The following FAF1 variants were observed in gnomAD, a reference collection of about 807,000 sequenced individuals.
FAF1 encodes the protein FAS-associated factor 1.
In FAF1, 25 loss-of-function variants were observed where a neutral mutation model predicts 92.5. That is an observed-to-expected ratio of 0.27 (90% CI 0.20 to 0.38). The LOEUF is 0.38. FAF1 is among the 10% of genes least tolerant of loss of function. The probability of loss-of-function intolerance (pLI) is 1.00; values close to 1 mark genes in which losing one functional copy is unlikely to be tolerated. For missense variants in FAF1, 636 were observed against 793.3 expected (o/e 0.80, Z 2.38); for synonymous variants, 234 against 273.2 (o/e 0.86, Z 1.42).
chr1:50,773,517 T>C (rs950569899), intron 4 of FAF1, among the ~76,000 whole-genome samples: 1 of 152,180 alleles, frequency 6.6e-6, no homozygotes, highest in African/African-American at 2.4e-5. Flanking sequence ...AATTCTGTCA[T>C]TTGCAACAAC....
chr1:50,772,681 A>G (rs1045555091), intron 4 of FAF1, among the ~76,000 whole-genome samples: 10 of 152,192 alleles, frequency 6.6e-5, no homozygotes, highest in African/African-American at 2.4e-4. Context: ...AAAGAACAAC[A>G]GACACTGGGG....
At chr1:50,929,777 C>T (rs1342498448) in intron 1 of FAF1, among the ~76,000 whole-genome samples, 5 of 152,320 alleles carry the variant, frequency 3.3e-5, no homozygotes, top group East Asian at 1.9e-4. Context: ...TAACAAAGTA[C>T]ATCTAAAGAT....
chr1:50,770,579 C>A (rs963475641), intron 4 of FAF1, among the ~76,000 whole-genome samples: 7 of 151,992 alleles, frequency 4.6e-5, no homozygotes, highest in Non-Finnish European at 7.4e-5. Context: ...ATGAGAATTA[C>A]AAAAGACTGC....
chr1:50,936,062 A>C (rs942212559), intron 1 of FAF1, among the ~76,000 whole-genome samples: 29 of 152,326 alleles, frequency 1.9e-4, no homozygotes, highest in Admixed American at 2.6e-4. Context: ...GACAAAATAA[A>C]CATCCAAAGA....
chr1:50,921,929 G>A (rs936668813), intron 1 of FAF1, among the ~76,000 whole-genome samples: 1 of 152,002 alleles, frequency 6.6e-6, no homozygotes, highest in African/African-American at 2.4e-5. Context: ...CACTTTGGGA[G>A]GCCAAGGCAG....
intron 1 of FAF1, among the ~76,000 whole-genome samples, chr1:50,883,466 A>T (rs559345844): frequency 6.6e-6 from 1 of 152,336 alleles, no homozygotes; most frequent in Non-Finnish European, 1.5e-5. Context: ...AGTATCACTC[A>T]TGAAGCAAAG....
At chr1:50,749,756 T>A (rs926870470) in intron 4 of FAF1, among the ~76,000 whole-genome samples, 6 of 151,476 alleles carry the variant, frequency 4.0e-5, no homozygotes, top group Middle Eastern at 3.4e-3. Context: ...GCCACTGCAC[T>A]CTATCCTGGA....
chr1:50,645,539 T>C (rs1202591692), intron 8 of FAF1, among the ~76,000 whole-genome samples: 2 of 152,064 alleles, frequency 1.3e-5, no homozygotes, highest in Non-Finnish European at 2.9e-5. Context: ...AAGAAATCAA[T>C]GTGGCCAGGC....
intron 9 of FAF1, among the ~76,000 whole-genome samples, chr1:50,588,126 A>G (rs1321323180): frequency 1.3e-5 from 2 of 152,146 alleles, no homozygotes; most frequent in African/African-American, 4.8e-5. Flanking sequence ...ATCTCCACTA[A>G]AAACACAAAA....
At chr1:50,460,172 C>T (rs754106561) in intron 18 of FAF1, among the ~76,000 whole-genome samples, 6 of 152,210 alleles carry the variant, frequency 3.9e-5, no homozygotes, top group Admixed American at 6.5e-5. Flanking sequence ...TCCCTTTATA[C>T]CTGACCTCAT....
At chr1:50,771,384 C>G (rs1660770567) in intron 4 of FAF1, among the ~76,000 whole-genome samples, 1 of 152,052 alleles carries the variant, frequency 6.6e-6, no homozygotes. Context: ...CAATAAAGGT[C>G]TAATATCCAG....
intron 18 of FAF1, among the ~76,000 whole-genome samples, chr1:50,463,243 G>T (rs1340336983): frequency 6.6e-6 from 1 of 152,140 alleles, no homozygotes; most frequent in Non-Finnish European, 1.5e-5. Context: ...ATCACTGCTG[G>T]AGGTAATTAA....
chr1:50,795,302 T>G (rs573881018), intron 3 of FAF1, among the ~76,000 whole-genome samples: 2 of 152,332 alleles, frequency 1.3e-5, no homozygotes, highest in East Asian at 3.9e-4. Context: ...GACACTTTTC[T>G]AAATAGGAAC....
chr1:50,874,824 C>CAGTGGT (rs200247031), intron 1 of FAF1, among the ~76,000 whole-genome samples: 1,832 of 117,932 alleles, frequency 0.016, 17 homozygotes, highest in Middle Eastern at 0.04. Context: ...GGCTGGAGTG[C>CAGTGGT]AGTGGTGCAG....
chr1:50,474,481 T>C (rs993700829), intron 18 of FAF1, among the ~76,000 whole-genome samples: 2 of 152,152 alleles, frequency 1.3e-5, no homozygotes, highest in African/African-American at 4.8e-5. Flanking sequence ...AGTTCTTTAG[T>C]GGTGATTTGT....
intron 4 of FAF1, among the ~76,000 whole-genome samples, chr1:50,784,818 C>T (rs1661303264): frequency 6.6e-6 from 1 of 152,090 alleles, no homozygotes; most frequent in South Asian, 2.1e-4. Context: ...TTGTTAGTGG[C>T]ATAAAGACAG....
At chr1:50,761,787 G>A (rs1488122676) in intron 4 of FAF1, among the ~76,000 whole-genome samples, 9 of 152,222 alleles carry the variant, frequency 5.9e-5, no homozygotes, top group Non-Finnish European at 1.3e-4. Flanking sequence ...ACAAGACAGG[G>A]ATGCCCTCTC....
At chr1:50,648,818 C>T (rs752396769) in intron 8 of FAF1, among the ~76,000 whole-genome samples, 3 of 152,096 alleles carry the variant, frequency 2.0e-5, no homozygotes, top group East Asian at 1.9e-4. Flanking sequence ...CCCAGCTACT[C>T]GGGAAGCTGA....
chr1:50,860,230 G>A, intron 1 of FAF1, among the ~76,000 whole-genome samples: 1 of 151,868 alleles, frequency 6.6e-6, no homozygotes, highest in Admixed American at 6.6e-5. Context: ...AAAATCAACT[G>A]CAACCAAAAC....
Sources: gnomAD v4.1 joint callset for allele counts (sites outside exome capture counted in the v4.1 genomes callset) on GRCh38, gnomAD v4.1.1 for gene constraint, MANE v1.5 for transcripts, NCBI Gene and HGNC (gene_info 2026-07-23, HGNC 2026-07-21) for gene names.